Variants in RP1 observed in about 807,000 individuals in gnomAD.
RP1 encodes the protein oxygen-regulated protein 1.
Under a neutral mutation model 14.8 loss-of-function variants are expected in RP1, and 16 were observed. The ratio of observed to expected loss-of-function variants is 1.08; its 90% CI spans 0.73 to 1.65. The LOEUF (loss-of-function observed/expected upper bound fraction) is 1.65, where lower values mean the gene tolerates loss of function less well. RP1 is among the 40% of genes most tolerant of loss of function. The pLI is 0.00. For missense variants in RP1, 2,631 were observed against 2,535.0 expected (o/e 1.04, Z -0.81); for synonymous variants, 876 against 883.6 (o/e 0.99, Z 0.15).
intron 24 of RP1, among the ~76,000 whole-genome samples, chr8:54,809,063 T>A (rs1810927486): frequency 6.6e-6 from 1 of 152,252 alleles, no homozygotes; most frequent in Non-Finnish European, 1.5e-5. Context: ...TAATTTCACT[T>A]GGCACTTCAA....
intron 24 of RP1, among the ~76,000 whole-genome samples, chr8:54,817,228 T>A (rs1287117422): frequency 2.0e-5 from 3 of 152,168 alleles, no homozygotes; most frequent in Non-Finnish European, 4.4e-5. Flanking sequence ...GCTGGTTAGA[T>A]AATAAGCACT....
At chr8:54,570,664 C>A (rs1008773591) in intron 1 of RP1, among the ~76,000 whole-genome samples, 151 of 148,058 alleles carry the variant, frequency 1.0e-3, no homozygotes, top group African/African-American at 3.7e-3. Context: ...TCAAACTATT[C>A]TTTGTTTTCA....
At chr8:54,571,760 T>C (rs1804528222) in intron 1 of RP1, among the ~76,000 whole-genome samples, 1 of 152,186 alleles carries the variant, frequency 6.6e-6, no homozygotes, top group Non-Finnish European at 1.5e-5. Flanking sequence ...GGAGGATCTG[T>C]CCAGGCCTCT....
intron 1 of RP1, among the ~76,000 whole-genome samples, chr8:54,601,104 G>T (rs1241613749): frequency 6.6e-6 from 1 of 152,102 alleles, no homozygotes; most frequent in Non-Finnish European, 1.5e-5. Context: ...TTGCCATTCT[G>T]CCTTACAATG....
At chr8:54,797,046 G>A (rs968981914) in intron 24 of RP1, among the ~76,000 whole-genome samples, 1 of 152,106 alleles carries the variant, frequency 6.6e-6, no homozygotes, top group Admixed American at 6.5e-5. Context: ...AGGGAAGCAG[G>A]TATTAGAGAG....
At chr8:54,715,584 T>C (rs1006195493) in intron 15 of RP1, among the ~76,000 whole-genome samples, 3 of 152,190 alleles carry the variant, frequency 2.0e-5, no homozygotes, top group Non-Finnish European at 4.4e-5. Flanking sequence ...TTTCAAGTTG[T>C]GGTTCAGGTG....
intron 1 of RP1, among the ~76,000 whole-genome samples, chr8:54,607,897 G>T (rs1277486432): frequency 6.6e-6 from 1 of 152,150 alleles, no homozygotes; most frequent in Non-Finnish European, 1.5e-5. Context: ...TTGGAAAAGT[G>T]CAGTATTAGG....
intron 12 of RP1, among the ~76,000 whole-genome samples, chr8:54,697,445 C>T (rs1177617858): frequency 1.3e-5 from 2 of 152,156 alleles, no homozygotes; most frequent in East Asian, 1.9e-4. Flanking sequence ...ATCCCAACTA[C>T]TCAGGAGGCT....
intron 25 of RP1, among the ~76,000 whole-genome samples, chr8:54,842,726 C>T (rs1244073420): frequency 1.3e-5 from 2 of 152,184 alleles, no homozygotes; most frequent in Non-Finnish European, 2.9e-5. Flanking sequence ...GATTTTCTAA[C>T]TTACTAAGAG....
chr8:54,662,128 G>A (rs973504998), intron 6 of RP1, among the ~76,000 whole-genome samples: 1 of 151,912 alleles, frequency 6.6e-6, no homozygotes, highest in Non-Finnish European at 1.5e-5. Flanking sequence ...TTTCCCATGT[G>A]AGCTGATATT....
intron 24 of RP1, among the ~76,000 whole-genome samples, chr8:54,822,142 A>T (rs926004483): frequency 2.6e-5 from 4 of 152,226 alleles, no homozygotes; most frequent in Non-Finnish European, 5.9e-5. Flanking sequence ...TAATACAGAG[A>T]AGGGTATATA....
chr8:54,841,150 C>A (rs970410544), intron 25 of RP1, among the ~76,000 whole-genome samples: 12 of 152,150 alleles, frequency 7.9e-5, no homozygotes, highest in African/African-American at 2.4e-4. Context: ...CCCATGACAT[C>A]AAGGAAAGCC....
chr8:54,602,562 T>C (rs1183553886), intron 1 of RP1, among the ~76,000 whole-genome samples: 1 of 152,196 alleles, frequency 6.6e-6, no homozygotes, highest in Non-Finnish European at 1.5e-5. Context: ...AGTAATGGGA[T>C]GGCTGGGTCA....
chr8:54,704,200 C>G (rs1298240444), intron 14 of RP1, among the ~76,000 whole-genome samples: 1 of 152,186 alleles, frequency 6.6e-6, no homozygotes, highest in African/African-American at 2.4e-5. Flanking sequence ...CCTCGCTAAG[C>G]TCAGTCATTT....
At chr8:54,580,205 G>T (rs945866923) in intron 1 of RP1, among the ~76,000 whole-genome samples, 4 of 149,460 alleles carry the variant, frequency 2.7e-5, no homozygotes, top group African/African-American at 1.0e-4. Context: ...TTGGTGTAAT[G>T]CCTGGCATGT....
chr8:54,575,292 T>C (rs76289060), intron 1 of RP1, among the ~76,000 whole-genome samples: 2,056 of 152,322 alleles, frequency 0.013, 41 homozygotes, highest in South Asian at 0.041. Context: ...ACAAGGATAC[T>C]GAGATGGAGA....
At chr8:54,739,151 G>A in intron 19 of RP1, 1 of 542,158 alleles carries the variant, frequency 1.8e-6, no homozygotes, top group Non-Finnish European at 3.1e-6. Flanking sequence ...TTACAGTGGG[G>A]TTATGCCTCT....
chr8:54,848,099 C>T (rs1357663341), intron 25 of RP1, among the ~76,000 whole-genome samples: 1 of 152,232 alleles, frequency 6.6e-6, no homozygotes. Flanking sequence ...CTTCTCCCTC[C>T]TGTTGCAGTT....
chr8:54,824,392 T>A (rs535086099), intron 24 of RP1, among the ~76,000 whole-genome samples: 23 of 152,320 alleles, frequency 1.5e-4, no homozygotes, highest in African/African-American at 5.5e-4. Flanking sequence ...TGAATAACCC[T>A]ATAATCAGCA....
Sources: allele counts gnomAD v4.1 joint callset (sites outside exome capture counted in the v4.1 genomes callset), GRCh38; gene constraint gnomAD v4.1.1; transcripts MANE v1.5; gene names NCBI Gene and HGNC (gene_info 2026-07-23, HGNC 2026-07-21).